The following PHLDB2 variants were observed in gnomAD, a reference collection of about 807,000 sequenced individuals.
PHLDB2 encodes the protein pleckstrin homology-like domain family B member 2.
Under a neutral mutation model 123.6 loss-of-function variants are expected in PHLDB2, and 71 were observed. The ratio of observed to expected loss-of-function variants is 0.57; its 90% CI spans 0.47 to 0.70. The LOEUF is 0.70. Among genes scored for constraint, PHLDB2 ranks in the 30% least tolerant of loss-of-function variants. The pLI, the probability that PHLDB2 is intolerant of heterozygous loss-of-function variation, is 0.00. For missense variants in PHLDB2, 1,446 were observed against 1,519.5 expected, an observed-to-expected ratio of 0.95 and a Z score of 0.80; for synonymous variants, 547 against 541.6, an observed-to-expected ratio of 1.01 and a Z score of -0.14.
At position 111,798,909 on chromosome 3, in the gene PHLDB2, C is replaced by T. The variant is rs866481276; in HGVS notation, c.-48-46912C>T. Among the ~76,000 whole-genome samples, 4 of 152,166 alleles carry T rather than the reference C, an allele frequency of 2.6e-5. No homozygotes were observed. The South Asian group carries it at 8.3e-4, about 32-fold the overall frequency. ...CTCATGCTGCTAATAAAGACATACC[C>T]AAGACTGGGTGATTTATGAAAGAAA... is the stretch of plus-strand genomic sequence containing the variant. On this transcript the variant is annotated intron_variant, in intron 1 of 17. Coordinates refer to the PHLDB2 transcript ENST00000393923.
At chr3:111,852,276 T>C (rs2064288962) in intron 2 of PHLDB2, among the ~76,000 whole-genome samples, 1 of 149,792 alleles carries the variant, frequency 6.7e-6, no homozygotes, top group African/African-American at 2.4e-5. Context: ...TCTCCCTCTC[T>C]CTCTCGCTCT....
At chr3:111,945,627 G>T (rs1418332433) in intron 9 of PHLDB2, among the ~76,000 whole-genome samples, 1 of 151,898 alleles carries the variant, frequency 6.6e-6, no homozygotes, top group Non-Finnish European at 1.5e-5. Flanking sequence ...TGACATTGTG[G>T]GTTAATCTGG....
chr3:111,921,793 G>A (rs997264234), intron 5 of PHLDB2, among the ~76,000 whole-genome samples: 2 of 151,990 alleles, frequency 1.3e-5, no homozygotes, highest in African/African-American at 2.4e-5. Context: ...CAGTAGAGAC[G>A]GGGTTTCACC....
Position 111,866,930 on chromosome 3 carries a change from GGTGTGTGTGT to G in PHLDB2, c.-15+7387_-15+7396del, listed in dbSNP as rs3082321. Among the ~76,000 whole-genome samples, 16 of 126,066 alleles carry G rather than the reference GGTGTGTGTGT, an allele frequency of 1.3e-4. No individual in the cohort carries two copies. In the East Asian group the frequency reaches 1.4e-3, roughly 11 times the overall value. The allele number at this position is 126,066 out of a possible 152,430, so 82.7% of individuals were successfully genotyped here. On this transcript the variant is annotated intron_variant, in intron 1 of 17. Transcript: ENST00000431670. ...TCTTCCTTAACATAAGTTTCTAAGGGGTGTGTGTGTGTGTGTGTGTGTGTGTGTGTGTGTG... is the reference window on the plus strand; with the variant it reads ...TCTTCCTTAACATAAGTTTCTAAGGGGTGTGTGTGTGTGTGTGTGTGTGTG...
intron 1 of PHLDB2, among the ~76,000 whole-genome samples, chr3:111,772,127 C>A (rs1286839384): frequency 6.6e-6 from 1 of 151,980 alleles, no homozygotes; most frequent in Non-Finnish European, 1.5e-5. Context: ...ATTTATTACT[C>A]CTTCTTACTT....
At chr3:111,936,897 A>T (rs2107588406) in intron 6 of PHLDB2, among the ~76,000 whole-genome samples, 1 of 152,338 alleles carries the variant, frequency 6.6e-6, no homozygotes, top group African/African-American at 2.4e-5. Context: ...CCAGTGTATT[A>T]TTTCAAAACA....
Position 111,860,937 on chromosome 3 carries a change from G to T in PHLDB2, c.-15+1361G>T, listed in dbSNP as rs2064805138. Among the ~76,000 whole-genome samples, 3 of 152,232 alleles carry T rather than the reference G, an allele frequency of 2.0e-5. No individual in the cohort carries two copies. In the South Asian group the frequency reaches 6.2e-4, roughly 32 times the overall value. On this transcript the variant is annotated intron_variant, in intron 1 of 17. Coordinates refer to ENST00000431670, the MANE Select transcript of PHLDB2 (RefSeq NM_001134438.2). ...TAATATGAACGTGTAAGTTACAGAT[G>T]TAGGTTTTCAAGTATTGGACGTGTA...
At chr3:111,737,837 CAT>C (rs2059536235) in intron 1 of PHLDB2, among the ~76,000 whole-genome samples, 1 of 151,384 alleles carries the variant, frequency 6.6e-6, no homozygotes, top group African/African-American at 2.4e-5. Context: ...GGCTGGAGCT[CAT>C]GTGTACTTCT....
At chr3:111,750,060 C>T (rs1051155007) in intron 1 of PHLDB2, among the ~76,000 whole-genome samples, 2 of 152,116 alleles carry the variant, frequency 1.3e-5, no homozygotes, top group Non-Finnish European at 2.9e-5. Flanking sequence ...AGGCAGCTGG[C>T]CCATTAAGTT....
chr3:111,824,753 A>G (rs1251842580), intron 1 of PHLDB2, among the ~76,000 whole-genome samples: 1 of 152,224 alleles, frequency 6.6e-6, no homozygotes, highest in African/African-American at 2.4e-5. Flanking sequence ...ATGGTTTTCA[A>G]CATGGCTTAA....
intron 1 of PHLDB2, among the ~76,000 whole-genome samples, chr3:111,832,680 TACATATA>T (rs1187917363): frequency 0.027 from 2,950 of 108,944 alleles, 621 homozygotes; most frequent in African/African-American, 0.077. Context: ...AATAGAATTA[TACATATA>T]ATATATATAA....
exon 2 of PHLDB2, chr3:111,845,829 T>A: frequency 6.2e-7 from 1 of 1,614,164 alleles, no homozygotes; most frequent in Non-Finnish European, 8.5e-7. Context: ...AGGCTGGCAC[T>A]GATCCCAGTT....
chr3:111,830,673 G>A (rs1387687128), intron 1 of PHLDB2, among the ~76,000 whole-genome samples: 1 of 147,514 alleles, frequency 6.8e-6, no homozygotes, highest in Non-Finnish European at 1.5e-5. Context: ...GCCGGGCGTA[G>A]TGGCGGGCGC....
chr3:111,959,354 A>C (rs758252284), intron 12 of PHLDB2, among the ~76,000 whole-genome samples: 52 of 152,246 alleles, frequency 3.4e-4, no homozygotes, highest in Non-Finnish European at 8.8e-5. Flanking sequence ...AGGTCAGTAA[A>C]GTGTTGCCAG....
At chr3:111,739,496 G>C (rs1022972308) in intron 1 of PHLDB2, among the ~76,000 whole-genome samples, 2 of 150,300 alleles carry the variant, frequency 1.3e-5, no homozygotes, top group African/African-American at 2.4e-5. Context: ...AACTGTGTGT[G>C]TTTGGAGGAG....
intron 2 of PHLDB2, among the ~76,000 whole-genome samples, chr3:111,887,825 T>C (rs1477936748): frequency 6.6e-6 from 1 of 152,160 alleles, no homozygotes; most frequent in Non-Finnish European, 1.5e-5. Context: ...CCTAGTACTA[T>C]CTCATTTTTG....
chr3:111,836,896 C>T (rs979634500), intron 1 of PHLDB2, among the ~76,000 whole-genome samples: 3 of 152,114 alleles, frequency 2.0e-5, no homozygotes, highest in African/African-American at 2.4e-5. Context: ...GATGACAATT[C>T]GAGATGAGAT....
chr3:111,812,502 TTGGAAGG>T (rs2061886128), intron 1 of PHLDB2, among the ~76,000 whole-genome samples: 1 of 152,158 alleles, frequency 6.6e-6, no homozygotes, highest in Non-Finnish European at 1.5e-5. Flanking sequence ...TTTCTCAACT[TTGGAAGG>T]AATCAGTGAA....
At position 111,790,713 on chromosome 3, in the gene PHLDB2, T is replaced by A. The variant is rs547531024; in HGVS notation, c.-48-55108T>A. Among the ~76,000 whole-genome samples the A allele has an allele frequency of 3.3e-4, 50 of 152,246 alleles. No individual in the cohort carries two copies. In the East Asian group the frequency reaches 7.5e-3, roughly 23 times the overall value. On this transcript the variant is annotated intron_variant, in intron 1 of 17. Transcript: ENST00000393923. ...GTAAAATGACATAAAATGAAGACAA[T>A]CATAACAGAACAGCCTCCAACCTAA... is the stretch of plus-strand genomic sequence containing the variant.
Sources: allele counts gnomAD v4.1 joint callset (sites outside exome capture counted in the v4.1 genomes callset), GRCh38; gene constraint gnomAD v4.1.1; transcripts MANE v1.5; gene names NCBI Gene and HGNC (gene_info 2026-07-23, HGNC 2026-07-21).